CTNNA3: variants seen among roughly 807,000 people sequenced by gnomAD.
The protein encoded by CTNNA3 is catenin alpha-3.
Under a neutral mutation model 95.7 loss-of-function variants are expected in CTNNA3, and 76 were observed. The ratio of observed to expected loss-of-function variants is 0.79; its 90% CI spans 0.66 to 0.96. CTNNA3 has a LOEUF of 0.96. CTNNA3 is among the 40% of genes least tolerant of loss of function. The pLI is 0.00. For synonymous variants in CTNNA3, 431 were observed against 374.4 expected, an observed-to-expected ratio of 1.15 and a Z score of -1.74; for missense variants, 1,191 against 1,089.8, an observed-to-expected ratio of 1.09 and a Z score of -1.31.
intron 5 of CTNNA3, among the ~76,000 whole-genome samples, chr10:67,266,333 TC>T (rs1378220471): frequency 1.3e-5 from 2 of 152,102 alleles, no homozygotes; most frequent in Non-Finnish European, 2.9e-5. Flanking sequence ...GGGGAGGCTA[TC>T]CTCCCCTGTC....
chr10:65,939,339 C>A (rs2077392436), intron 17 of CTNNA3, among the ~76,000 whole-genome samples: 1 of 152,182 alleles, frequency 6.6e-6, no homozygotes, highest in Non-Finnish European at 1.5e-5. Context: ...GACTGAATGA[C>A]TTATAAAGTC....
At chr10:66,707,226 G>T (rs1027207514) in intron 9 of CTNNA3, among the ~76,000 whole-genome samples, 1 of 151,876 alleles carries the variant, frequency 6.6e-6, no homozygotes, top group Non-Finnish European at 1.5e-5. Context: ...TTTACTATTA[G>T]ATAATCTTAT....
chr10:67,035,879 T>C (rs1854017646), intron 7 of CTNNA3, among the ~76,000 whole-genome samples: 1 of 152,242 alleles, frequency 6.6e-6, no homozygotes, highest in Non-Finnish European at 1.5e-5. Flanking sequence ...CCCTATTTAG[T>C]AGCCAACATT....
intron 7 of CTNNA3, among the ~76,000 whole-genome samples, chr10:66,866,421 G>A (rs1337928914): frequency 6.6e-6 from 1 of 152,166 alleles, no homozygotes; most frequent in Non-Finnish European, 1.5e-5. Flanking sequence ...TCAACATCTA[G>A]CTTTTTGGAG....
chr10:65,991,169 T>C (rs909851572), intron 15 of CTNNA3, among the ~76,000 whole-genome samples: 2 of 152,134 alleles, frequency 1.3e-5, no homozygotes, highest in African/African-American at 4.8e-5. Flanking sequence ...TAATATGTCT[T>C]GAAGCCAGGT....
intron 11 of CTNNA3, among the ~76,000 whole-genome samples, chr10:66,475,434 C>A (rs1839288967): frequency 6.6e-6 from 1 of 152,020 alleles, no homozygotes; most frequent in South Asian, 2.1e-4. Flanking sequence ...GGATAGGTTG[C>A]AAAAATTTTT....
At chr10:67,099,937 A>C (rs1858242399) in intron 7 of CTNNA3, 1 of 151,790 alleles carries the variant, frequency 6.6e-6, no homozygotes, top group Admixed American at 6.6e-5. Context: ...CGTGAGTCTA[A>C]AATCAAATGC....
intron 5 of CTNNA3, among the ~76,000 whole-genome samples, chr10:67,320,059 A>T (rs1195437938): frequency 6.6e-6 from 1 of 152,144 alleles, no homozygotes; most frequent in East Asian, 1.9e-4. Flanking sequence ...GGCATGTTGT[A>T]AACTTGGTAA....
chr10:67,643,903 T>C (rs1839618969), intron 2 of CTNNA3, among the ~76,000 whole-genome samples: 1 of 152,212 alleles, frequency 6.6e-6, no homozygotes, highest in African/African-American at 2.4e-5. Flanking sequence ...ATGGTGTATA[T>C]GTGCCACATT....
At chr10:67,075,944 C>T (rs996338303) in intron 7 of CTNNA3, among the ~76,000 whole-genome samples, 2 of 152,230 alleles carry the variant, frequency 1.3e-5, no homozygotes, top group African/African-American at 4.8e-5. Flanking sequence ...TACATCTGCA[C>T]ATGCAATTTC....
intron 11 of CTNNA3, among the ~76,000 whole-genome samples, chr10:66,503,772 T>G (rs1441628174): frequency 6.6e-6 from 1 of 152,196 alleles, no homozygotes; most frequent in Non-Finnish European, 1.5e-5. Flanking sequence ...TGGCCCAGAT[T>G]TTTCTTTTTC....
At chr10:66,852,908 A>G (rs759156550) in intron 7 of CTNNA3, among the ~76,000 whole-genome samples, 16 of 152,144 alleles carry the variant, frequency 1.1e-4, no homozygotes, top group Non-Finnish European at 1.9e-4. Context: ...TCAAAAATTC[A>G]CCACTAGTCA....
intron 13 of CTNNA3, among the ~76,000 whole-genome samples, chr10:66,148,673 G>A (rs2084023770): frequency 6.6e-6 from 1 of 151,770 alleles, no homozygotes; most frequent in South Asian, 2.1e-4. Flanking sequence ...CAGAGCTGCT[G>A]GGTCTTTGAA....
chr10:66,731,591 C>G (rs1012842332), intron 9 of CTNNA3, among the ~76,000 whole-genome samples: 2 of 152,154 alleles, frequency 1.3e-5, no homozygotes, highest in African/African-American at 4.8e-5. Flanking sequence ...CAAAACTCTT[C>G]AAATTTATAT....
At chr10:67,574,708 C>T (rs544627919) in intron 3 of CTNNA3, among the ~76,000 whole-genome samples, 1 of 151,246 alleles carries the variant, frequency 6.6e-6, no homozygotes, top group Admixed American at 6.6e-5. Context: ...AGCCTTCTGA[C>T]AAGCTGGGAC....
At chr10:66,152,222 A>G (rs2084241808) in intron 13 of CTNNA3, among the ~76,000 whole-genome samples, 1 of 152,108 alleles carries the variant, frequency 6.6e-6, no homozygotes, top group South Asian at 2.1e-4. Context: ...ATTATGAATA[A>G]GCAGAATGCT....
intron 5 of CTNNA3, among the ~76,000 whole-genome samples, chr10:67,498,642 T>C (rs1472831657): frequency 2.0e-5 from 3 of 152,312 alleles, no homozygotes; most frequent in African/African-American, 7.2e-5. Context: ...CTTGAAGAGG[T>C]CCTTCACATC....
chr10:67,132,976 A>G (rs1345163677), intron 7 of CTNNA3, among the ~76,000 whole-genome samples: 1 of 151,946 alleles, frequency 6.6e-6, no homozygotes, highest in African/African-American at 2.4e-5. Flanking sequence ...ATACAGTTAG[A>G]TAGAAAAAAT....
intron 7 of CTNNA3, among the ~76,000 whole-genome samples, chr10:67,064,235 G>A (rs1855931838): frequency 6.6e-6 from 1 of 152,024 alleles, no homozygotes; most frequent in Admixed American, 6.5e-5. Flanking sequence ...ATGGTGTCCT[G>A]TAATCTCTGA....
Sources: gnomAD v4.1 joint callset for allele counts (sites outside exome capture counted in the v4.1 genomes callset) on GRCh38, gnomAD v4.1.1 for gene constraint, MANE v1.5 for transcripts, NCBI Gene and HGNC (gene_info 2026-07-23, HGNC 2026-07-21) for gene names.